Variants in PPP2R2C observed in about 807,000 individuals in gnomAD.
PPP2R2C encodes protein phosphatase 2 regulatory subunit Bgamma.
Under a neutral mutation model 45.3 loss-of-function variants are expected in PPP2R2C, and 10 were observed. The observed-to-expected ratio is 0.22, with a 90% CI of 0.14 to 0.37. PPP2R2C has a LOEUF of 0.37. Among genes scored for constraint, PPP2R2C ranks in the 10% least tolerant of loss-of-function variants. PPP2R2C has a pLI of 1.00. For missense variants in PPP2R2C, 308 were observed against 619.7 expected (o/e 0.50, Z 5.34); for synonymous variants, 257 against 245.4 (o/e 1.05, Z -0.44).
At chr4:6,377,823 C>A (rs1715453786) in intron 3 of PPP2R2C, among the ~76,000 whole-genome samples, 1 of 152,054 alleles carries the variant, frequency 6.6e-6, no homozygotes, top group Non-Finnish European at 1.5e-5. Flanking sequence ...CAGAGTGGAG[C>A]CTGGGAAGCA....
rs1721949518 is a variant in PPP2R2C, at chr4:6,472,365, C to T, written c.-136G>A. ...GGCCGCCGGGGCCCCGAAGGGAGGG[C>T]ATCGCGGCAGGGGGACGGGCGGGGG... On this transcript the variant is annotated 5_prime_UTR_variant, in exon 1 of 9. The change abolishes an upstream ATG in the 5' untranslated region. Transcript: ENST00000382599. 2 of 1,130,260 alleles carry T rather than the reference C, an allele frequency of 1.8e-6. No individual in the cohort carries two copies. The highest frequency in any genetic ancestry group is 2.2e-6 in the Non-Finnish European group (2 of 920,246). The allele number at this position is 1,130,260 out of a possible 1,614,324, so 70.0% of individuals were successfully genotyped here.
At chr4:6,362,149 T>C (rs557364127) in intron 5 of PPP2R2C, among the ~76,000 whole-genome samples, 4 of 151,826 alleles carry the variant, frequency 2.6e-5, no homozygotes, top group African/African-American at 9.7e-5. Context: ...CTGGAGAGGA[T>C]GCGGCGCCAG....
intron 2 of PPP2R2C, among the ~76,000 whole-genome samples, chr4:6,487,478 C>T (rs1722565311): frequency 6.6e-6 from 1 of 151,874 alleles, no homozygotes; most frequent in African/African-American, 2.4e-5. Context: ...TGGGTATGAA[C>T]TCTAGTTTGA....
At chr4:6,467,328 C>T (rs1457248797) in intron 1 of PPP2R2C, among the ~76,000 whole-genome samples, 1 of 152,098 alleles carries the variant, frequency 6.6e-6, no homozygotes, top group Admixed American at 6.5e-5. Context: ...GTTCTAAGGG[C>T]TAGTCTAACT....
intron 1 of PPP2R2C, among the ~76,000 whole-genome samples, chr4:6,451,865 G>A (rs1186917285): frequency 6.6e-6 from 1 of 152,106 alleles, no homozygotes; most frequent in East Asian, 1.9e-4. Context: ...GGCAGAGCCA[G>A]GCAGATGGAG....
chr4:6,537,145 G>T (rs1724650652), intron 1 of PPP2R2C, among the ~76,000 whole-genome samples: 1 of 152,144 alleles, frequency 6.6e-6, no homozygotes, highest in South Asian at 2.1e-4. Flanking sequence ...GGAGGTCACA[G>T]TGAGCCGAGA....
chr4:6,447,382 C>G (rs986619984), intron 1 of PPP2R2C, among the ~76,000 whole-genome samples: 2 of 152,182 alleles, frequency 1.3e-5, no homozygotes, highest in African/African-American at 4.8e-5. Context: ...GAAATAACCC[C>G]ATCTCGGGCT....
chr4:6,460,633 T>G (rs1189206780), intron 1 of PPP2R2C, among the ~76,000 whole-genome samples: 2 of 152,138 alleles, frequency 1.3e-5, no homozygotes, highest in East Asian at 3.9e-4. Context: ...AATAAAAAAA[T>G]GTAGGAATAT....
chr4:6,533,314 T>C (rs1724468237), intron 2 of PPP2R2C, among the ~76,000 whole-genome samples: 1 of 152,204 alleles, frequency 6.6e-6, no homozygotes, highest in Non-Finnish European at 1.5e-5. Context: ...AACAGGATTC[T>C]AAACTGCAGA....
At chr4:6,539,235 G>C (rs1334415780) in intron 1 of PPP2R2C, among the ~76,000 whole-genome samples, 1 of 152,092 alleles carries the variant, frequency 6.6e-6, no homozygotes, top group Non-Finnish European at 1.5e-5. Context: ...GTTGGGATGA[G>C]GCTTCCACAA....
intron 2 of PPP2R2C, among the ~76,000 whole-genome samples, chr4:6,514,647 A>G (rs1723776716): frequency 6.6e-6 from 1 of 152,242 alleles, no homozygotes; most frequent in Admixed American, 6.5e-5. Flanking sequence ...AATGTGGGAT[A>G]GAAATTAGTG....
At chr4:6,533,724 C>T (rs1201696925) in intron 2 of PPP2R2C, among the ~76,000 whole-genome samples, 8 of 152,150 alleles carry the variant, frequency 5.3e-5, no homozygotes, top group South Asian at 2.1e-4. Context: ...GATGGCAGCA[C>T]GTTATTTATA....
intron 1 of PPP2R2C, among the ~76,000 whole-genome samples, chr4:6,402,988 G>A (rs771835787): frequency 2.0e-5 from 3 of 152,194 alleles, no homozygotes; most frequent in Non-Finnish European, 2.9e-5. Flanking sequence ...GGCTCTGCAC[G>A]TCTCCCGGCT....
chr4:6,487,012 T>C (rs1013609868), intron 2 of PPP2R2C, among the ~76,000 whole-genome samples: 1 of 152,100 alleles, frequency 6.6e-6, no homozygotes, highest in African/African-American at 2.4e-5. Flanking sequence ...CAACTCTTAT[T>C]GTTTTAGTAG....
intron 1 of PPP2R2C, among the ~76,000 whole-genome samples, chr4:6,420,323 A>G (rs2109391028): frequency 6.7e-6 from 1 of 150,292 alleles, no homozygotes; most frequent in East Asian, 1.9e-4. Context: ...GATAAAGGTG[A>G]GAATAAGATC....
chr4:6,422,317 A>G (rs1439478179), intron 1 of PPP2R2C, among the ~76,000 whole-genome samples: 1 of 152,218 alleles, frequency 6.6e-6, no homozygotes, highest in Non-Finnish European at 1.5e-5. Flanking sequence ...ACACTAGTGG[A>G]CCAGGGTTCA....
chr4:6,347,316 A>C (rs1712063894), intron 6 of PPP2R2C, among the ~76,000 whole-genome samples: 1 of 152,148 alleles, frequency 6.6e-6, no homozygotes, highest in African/African-American at 2.4e-5. Flanking sequence ...GAACTCGTTC[A>C]GCCCCAGACC....
chr4:6,520,542 C>A (rs757246781), intron 2 of PPP2R2C, among the ~76,000 whole-genome samples: 8 of 152,210 alleles, frequency 5.3e-5, no homozygotes, highest in South Asian at 4.1e-4. Context: ...ACAGGGCCAT[C>A]CCCAGGGCAC....
At chr4:6,486,114 T>C (rs1722521706) in intron 2 of PPP2R2C, among the ~76,000 whole-genome samples, 2 of 152,048 alleles carry the variant, frequency 1.3e-5, no homozygotes, top group African/African-American at 2.4e-5. Context: ...TAAAAATACT[T>C]TCTAATTTCC....
Sources: allele counts gnomAD v4.1 joint callset (sites outside exome capture counted in the v4.1 genomes callset), GRCh38; gene constraint gnomAD v4.1.1; transcripts MANE v1.5; gene names NCBI Gene and HGNC (gene_info 2026-07-23, HGNC 2026-07-21).